ARRB1: variants seen among roughly 807,000 people sequenced by gnomAD.
ARRB1 encodes the protein arrestin beta 1.
ARRB1 carries 21 observed loss-of-function variants against 56.8 expected under a neutral mutation model. The ratio of observed to expected loss-of-function variants is 0.37; its 90% confidence interval spans 0.26 to 0.53. The LOEUF is 0.53. ARRB1 is among the 20% of genes least tolerant of loss of function. The pLI is 0.88. For synonymous variants in ARRB1, 210 were observed against 218.6 expected, an observed-to-expected ratio of 0.96 and a Z score of 0.35; for missense variants, 424 against 553.7, an observed-to-expected ratio of 0.77 and a Z score of 2.35.
intron 1 of ARRB1, among the ~76,000 whole-genome samples, chr11:75,296,535 G>A (rs1001604440): frequency 1.3e-5 from 2 of 152,156 alleles, no homozygotes; most frequent in South Asian, 2.1e-4. Context: ...CTGCTCTTCT[G>A]TGAGCCATCA....
At chr11:75,289,849 CAA>C (rs1417221007) in intron 2 of ARRB1, among the ~76,000 whole-genome samples, 158 bp downstream of exon 2, 10 of 152,218 alleles carry the variant, frequency 6.6e-5, no homozygotes, top group Non-Finnish European at 8.8e-5. Flanking sequence ...CTGACAGCTC[CAA>C]GAGAGAGAGC....
chr11:75,288,101 G>A (rs1289143608), intron 2 of ARRB1, among the ~76,000 whole-genome samples: 1 of 152,186 alleles, frequency 6.6e-6, no homozygotes, highest in South Asian at 2.1e-4. Context: ...GACCTCAGGT[G>A]ATCAGCCTGC....
chr11:75,296,487 T>A (rs1946753676), intron 1 of ARRB1, among the ~76,000 whole-genome samples: 1 of 152,104 alleles, frequency 6.6e-6, no homozygotes, highest in South Asian at 2.1e-4. Context: ...ACCTGCAGCA[T>A]AGGGTACCTG....
chr11:75,349,781 G>A (rs546337335), intron 1 of ARRB1, among the ~76,000 whole-genome samples: 1 of 152,378 alleles, frequency 6.6e-6, no homozygotes, highest in East Asian at 1.9e-4. Flanking sequence ...CCAGCCAGCT[G>A]CAATGGGGAC....
At chr11:75,280,688 C>T (rs566948801) in intron 7 of ARRB1, among the ~76,000 whole-genome samples, 11 of 152,378 alleles carry the variant, frequency 7.2e-5, no homozygotes, top group African/African-American at 1.9e-4. Context: ...TCCTGCTGAA[C>T]GCCTCCCAGG....
Position 75,262,631 on chromosome 11 carries a change from C to A in ARRB1, c.*3532G>T, listed in dbSNP as rs1173366679. The stretch of plus-strand genomic sequence containing the variant: ...GAGCCCTGACCGCTGACTTTCATCT[C>A]ATCTGGGCCTCATAACAATTCCTGC... On this transcript the variant is annotated 3_prime_UTR_variant, in exon 16 of 16. Transcript: ENST00000420843. Among the ~76,000 whole-genome samples, 2 of 152,198 alleles carry A rather than the reference C, an allele frequency of 1.3e-5. No homozygotes were observed. The highest frequency in any genetic ancestry group is 2.9e-5 in the Non-Finnish European group (2 of 68,042).
chr11:75,316,564 G>A (rs1437371990), intron 1 of ARRB1, among the ~76,000 whole-genome samples: 1 of 151,944 alleles, frequency 6.6e-6, no homozygotes, highest in East Asian at 1.9e-4. Context: ...ATGGGAACCT[G>A]CCATGAAACA....
rs2140380847 is a variant in ARRB1 at position 75,261,333 on chromosome 11, G to A, written c.*4830C>T. The A allele has an allele frequency of 6.6e-6, 1 of 152,194 alleles. No individual in the cohort carries two copies. The highest frequency in any genetic ancestry group is 2.1e-4 in the South Asian group (1 of 4,806). 9.4% of individuals were successfully genotyped at this position (152,194 alleles called of 1,614,324 possible). A position where few individuals can be genotyped will look rare whatever the true frequency, so the allele number is the denominator to read the frequency against. Reference sequence around the variant, plus strand: ...GCAAGAATAGAACCTGTGCTGGCTGGTCTAAGATCAAACCTCGAGATGGTG... The same window carrying A: ...GCAAGAATAGAACCTGTGCTGGCTGATCTAAGATCAAACCTCGAGATGGTG... On this transcript the variant is annotated 3_prime_UTR_variant, in exon 16 of 16. Coordinates refer to ENST00000420843, the MANE Select transcript of ARRB1 (RefSeq NM_004041.5).
intron 13 of ARRB1, among the ~76,000 whole-genome samples, chr11:75,269,714 A>T (rs1946030988): frequency 6.6e-6 from 1 of 152,192 alleles, no homozygotes; most frequent in Admixed American, 6.5e-5. Flanking sequence ...CGCAACAACC[A>T]TATTATTATC....
chr11:75,274,151 G>T lies in ARRB1; in HGVS notation c.837C>A (p.Ala279=). The T allele has an allele frequency of 6.2e-7, 1 of 1,614,230 alleles. No individual in the cohort carries two copies. Among genetic ancestry groups the T allele is most frequent in the South Asian group, 1.1e-5 (1 of 91,088 alleles). The change falls in exon 11 of 16, where the codon GCC becomes GCA. Residue 279 remains alanine (A), a synonymous_variant. Coordinates refer to ENST00000420843, the MANE Select transcript of ARRB1 (RefSeq NM_004041.5). ...CGAGGCCCCGCTTCTCTCGGTTATTGGCTAGGAAGGGGGTCAGTGTGTAGA... is the reference window on the plus strand; with the variant it reads ...CGAGGCCCCGCTTCTCTCGGTTATTTGCTAGGAAGGGGGTCAGTGTGTAGA... ...CKVYTLTPFL[A]NNREKRGLAL... is the part of the protein sequence containing the mutation.
intron 1 of ARRB1, among the ~76,000 whole-genome samples, chr11:75,324,492 C>G (rs578056202): frequency 3.3e-5 from 5 of 152,226 alleles, no homozygotes; most frequent in Admixed American, 6.5e-5. Flanking sequence ...GGCCTGGCAC[C>G]GAGGAGGCAC....
rs71036046 is a variant in ARRB1 at position 75,337,786 on chromosome 11, CTTTTTTTTTTTTTT to C, written c.20+13788_20+13801del. 1.6e-3 allele frequency among the ~76,000 whole-genome samples: 60 copies of C among 38,496 alleles called. No homozygotes were observed. The South Asian group carries it at 0.026, about 16-fold the overall frequency. 25.3% of individuals were successfully genotyped at this position (38,496 alleles called of 152,430 possible). ...TGTTCAATGAATTTCATTGAAATGTCTTTTTTTTTTTTTTTTTTTTTTTTTTTTTTTGAGACGGA... is the reference window on the plus strand; with the variant it reads ...TGTTCAATGAATTTCATTGAAATGTCTTTTTTTTTTTTTTTTTGAGACGGA... On this transcript the variant is annotated intron_variant, in intron 1 of 15. Transcript: ENST00000420843.
At chr11:75,285,905 C>A (rs1946457696) in intron 3 of ARRB1, among the ~76,000 whole-genome samples, 1 of 152,160 alleles carries the variant, frequency 6.6e-6, no homozygotes, top group South Asian at 2.1e-4. Flanking sequence ...CATGAAGCAG[C>A]CACAGATGAA....
chr11:75,330,274 AG>A (rs747975437), intron 1 of ARRB1, among the ~76,000 whole-genome samples: 7 of 114,188 alleles, frequency 6.1e-5, no homozygotes, highest in African/African-American at 1.6e-4. Flanking sequence ...TTGGGTAATT[AG>A]GAAGATTGAA....
chr11:75,344,105 C>T (rs1045116310), intron 1 of ARRB1, among the ~76,000 whole-genome samples: 14 of 152,360 alleles, frequency 9.2e-5, no homozygotes, highest in Non-Finnish European at 1.8e-4. Context: ...GCATGAGCCA[C>T]TGCCCTGGAC....
At chr11:75,316,981 GTT>G (rs1947276108) in intron 1 of ARRB1, among the ~76,000 whole-genome samples, 1 of 152,114 alleles carries the variant, frequency 6.6e-6, no homozygotes, top group Non-Finnish European at 1.5e-5. Flanking sequence ...CAGAAGAATC[GTT>G]TGAACCCGGT....
chr11:75,280,436 G>GAC (rs1270573293), intron 7 of ARRB1, among the ~76,000 whole-genome samples: 57 of 152,338 alleles, frequency 3.7e-4, no homozygotes, highest in African/African-American at 1.4e-3. Flanking sequence ...AGCGTCGAGG[G>GAC]CCCACCAGCT....
rs1005445374 is a variant in ARRB1 at position 75,300,076 on chromosome 11, G to A, written c.21-10037C>T. ...AAAAATTAGCCGGGTGTGGTGGCAC[G>A]TGCCTGTAATCCCAACTACTCAGGA... On this transcript the variant is annotated intron_variant, in intron 1 of 15. Coordinates refer to ENST00000420843, the MANE Select transcript of ARRB1 (RefSeq NM_004041.5). 7.9e-5 allele frequency among the ~76,000 whole-genome samples: 12 copies of A among 151,872 alleles called. No homozygotes were observed. The Middle Eastern group carries it at 0.01, about 129-fold the overall frequency.
intron 3 of ARRB1, among the ~76,000 whole-genome samples, chr11:75,286,985 A>G (rs1344999641): frequency 6.6e-6 from 1 of 152,030 alleles, no homozygotes; most frequent in African/African-American, 2.4e-5. Context: ...CCTTGTCTGG[A>G]AAGCAGGGAT....
Sources: gnomAD v4.1 joint callset for allele counts (sites outside exome capture counted in the v4.1 genomes callset) on GRCh38, gnomAD v4.1.1 for gene constraint, MANE v1.5 for transcripts, NCBI Gene and HGNC (gene_info 2026-07-23, HGNC 2026-07-21) for gene names.